Variants in GABRR3 observed in about 807,000 individuals in gnomAD.
GABRR3 encodes the protein gamma-aminobutyric acid receptor subunit rho-3.
A neutral mutation model predicts 43.2 loss-of-function variants in GABRR3; 29 were observed. The ratio of observed to expected loss-of-function variants is 0.67; its 90% CI spans 0.50 to 0.92. The LOEUF (loss-of-function observed/expected upper bound fraction) is 0.92, where lower values mean the gene tolerates loss of function less well. Among genes scored for constraint, GABRR3 ranks in the 40% least tolerant of loss-of-function variants. The pLI is 0.00. For missense variants in GABRR3, 576 were observed against 572.3 expected (o/e 1.01, Z -0.07); for synonymous variants, 206 against 195.9 (o/e 1.05, Z -0.43).
At position 98,001,796 on chromosome 3, in the gene GABRR3, G is replaced by A. The variant is rs756937646; in HGVS notation, c.755-29C>T. 7.4e-6 allele frequency: 12 copies of A among 1,611,664 alleles called. No homozygotes were observed. The African/African-American group carries it at 1.5e-4, about 20-fold the overall frequency. On this transcript the variant is annotated intron_variant, in intron 7 of 9. Transcript: ENST00000621172. ...TGGAAAAAAGCCAAAGTTTTCATTAGAGCAAGCTTCCCCTTAGAAACACTG... is the reference window on the plus strand; with the variant it reads ...TGGAAAAAAGCCAAAGTTTTCATTAAAGCAAGCTTCCCCTTAGAAACACTG...
chr3:97,989,486 A>T (rs1358786400), intron 9 of GABRR3, among the ~76,000 whole-genome samples: 1 of 148,548 alleles, frequency 6.7e-6, no homozygotes, highest in Non-Finnish European at 1.5e-5. Context: ...TAGAGGGTGG[A>T]TGGTGCTGGG....
intron 7 of GABRR3, among the ~76,000 whole-genome samples, chr3:98,004,214 A>G (rs1443053932): frequency 6.6e-6 from 1 of 152,194 alleles, no homozygotes; most frequent in Non-Finnish European, 1.5e-5. Context: ...AATGTGGATG[A>G]AAATAGGGTG....
At chr3:97,997,608 T>G (rs1706578301) in intron 8 of GABRR3, 1 of 152,188 alleles carries the variant, frequency 6.6e-6, no homozygotes, top group African/African-American at 2.4e-5. Context: ...TATGAGCAGA[T>G]GAATCATATT....
rs1341656842 is a variant in GABRR3, at chr3:98,035,178, G to A, written c.-3+12C>T. On this transcript the variant is annotated intron_variant, in intron 1 of 9. Coordinates refer to ENST00000621172, the Ensembl canonical transcript of GABRR3. ...TTAAATTGACTCACAGCACTTACAG[G>A]CAAATATCTACCTGGATCTTCAGCA... is the stretch of plus-strand genomic sequence containing the variant. 5 of 599,284 alleles carry A rather than the reference G, an allele frequency of 8.3e-6. No homozygotes were observed. In the Admixed American group the frequency reaches 9.8e-5, roughly 12 times the overall value. 37.1% of individuals were successfully genotyped at this position (599,284 alleles called of 1,614,324 possible).
At chr3:98,019,934 A>G (rs989803585) in intron 3 of GABRR3, among the ~76,000 whole-genome samples, 1 of 152,126 alleles carries the variant, frequency 6.6e-6, no homozygotes, top group Non-Finnish European at 1.5e-5. Flanking sequence ...ACATCTCACT[A>G]TTATTCCTTC....
intron 4 of GABRR3, 101 bp from the exon 5 acceptor site, chr3:98,012,668 G>A: frequency 2.7e-6 from 2 of 750,350 alleles, no homozygotes; most frequent in Non-Finnish European, 4.4e-6. Context: ...TGGTGTTAAT[G>A]ACTTTTAAGT....
At chr3:98,011,870 G>T (rs1706796651) in intron 5 of GABRR3, among the ~76,000 whole-genome samples, 1 of 152,188 alleles carries the variant, frequency 6.6e-6, no homozygotes, top group Non-Finnish European at 1.5e-5. Context: ...CAAAGTGTTG[G>T]AATGCACATT....
intron 8 of GABRR3, among the ~76,000 whole-genome samples, chr3:97,993,549 T>G (rs1285102316): frequency 6.6e-6 from 1 of 152,210 alleles, no homozygotes; most frequent in African/African-American, 2.4e-5. Context: ...TTCTCTATAT[T>G]ATCCTTTCAC....
intron 9 of GABRR3, among the ~76,000 whole-genome samples, chr3:97,992,303 G>C (rs998859236): frequency 5.9e-5 from 9 of 152,078 alleles, no homozygotes; most frequent in African/African-American, 2.2e-4. Context: ...TATTGGTTGA[G>C]AGCACACACA....
In GABRR3 at chr3:98,025,605, A is replaced by G. The variant is rs755633609; in HGVS notation, c.200T>C (p.Ile67Thr). Reference sequence around the variant, plus strand: ...TCTCATTGCGAAATCGTTGTCCTCTATATGGAGAAGTTGCTCATATTTCTG... The same window carrying G: ...TCTCATTGCGAAATCGTTGTCCTCTGTATGGAGAAGTTGCTCATATTTCTG... The change falls in exon 3 of 10, where the codon ATA becomes ACA. Residue 67 changes from isoleucine to threonine, a missense_variant. Transcript: ENST00000621172. 16 of 1,612,918 alleles carry G rather than the reference A, an allele frequency of 9.9e-6. No individual in the cohort carries two copies. Among genetic ancestry groups the G allele is most frequent in the South Asian group, 8.8e-5 (8 of 90,890 alleles).
intron 7 of GABRR3, among the ~76,000 whole-genome samples, chr3:98,005,063 T>C (rs1344021806): frequency 6.6e-6 from 1 of 152,094 alleles, no homozygotes; most frequent in Non-Finnish European, 1.5e-5. Flanking sequence ...GATATTTGAA[T>C]ACAACTTCCA....
chr3:97,988,003 G>T (rs1283140974), intron 9 of GABRR3, among the ~76,000 whole-genome samples: 1 of 151,788 alleles, frequency 6.6e-6, no homozygotes, highest in Non-Finnish European at 1.5e-5. Context: ...TCAGAAAGAA[G>T]AGCTCAGAGG....
At chr3:97,998,653 G>A (rs1706592262) in intron 8 of GABRR3, 2 of 152,012 alleles carry the variant, frequency 1.3e-5, no homozygotes, top group Admixed American at 1.3e-4. Flanking sequence ...TATCTGATGA[G>A]GTCAGATTTC....
chr3:98,011,743 G>A (rs547821510), intron 5 of GABRR3, among the ~76,000 whole-genome samples: 366 of 152,164 alleles, frequency 2.4e-3, no homozygotes, highest in African/African-American at 8.5e-3. Flanking sequence ...AAAAAAAGCT[G>A]AGTTGCTTGG....
chr3:98,014,255 T>C (rs1706848586), intron 4 of GABRR3, among the ~76,000 whole-genome samples: 1 of 152,086 alleles, frequency 6.6e-6, no homozygotes, highest in Non-Finnish European at 1.5e-5. Flanking sequence ...ATAAGGACTT[T>C]AGATGCAAAC....
chr3:98,017,597 G>C, intron 4 of GABRR3, 58 bp downstream of exon 4: 1 of 1,204,506 alleles, frequency 8.3e-7, no homozygotes, highest in Admixed American at 1.9e-5. Flanking sequence ...TAGTGATTTT[G>C]ACACTGCCGA....
intron 7 of GABRR3, among the ~76,000 whole-genome samples, chr3:98,006,991 A>G (rs1350970432): frequency 6.6e-6 from 1 of 152,168 alleles, no homozygotes; most frequent in East Asian, 1.9e-4. Flanking sequence ...TTTATTGAGC[A>G]TCTGTCACGT....
intron 7 of GABRR3, among the ~76,000 whole-genome samples, chr3:98,005,653 C>T (rs1706715272): frequency 6.6e-6 from 1 of 151,962 alleles, no homozygotes; most frequent in South Asian, 2.1e-4. Flanking sequence ...AAAAGTCTGA[C>T]AAGCACAAAT....
downstream of GABRR3, among the ~76,000 whole-genome samples, chr3:97,985,916 G>A (rs1237883049): frequency 6.6e-6 from 1 of 151,798 alleles, no homozygotes; most frequent in Non-Finnish European, 1.5e-5. Flanking sequence ...GCCCAGGCTA[G>A]AGTGCAGTGG....
Sources: allele counts gnomAD v4.1 joint callset (sites outside exome capture counted in the v4.1 genomes callset), GRCh38; gene constraint gnomAD v4.1.1; transcripts MANE v1.5; gene names NCBI Gene and HGNC (gene_info 2026-07-23, HGNC 2026-07-21).